Variants in PITPNC1 observed in about 807,000 individuals in gnomAD.
PITPNC1 encodes phosphatidylinositol transfer protein cytoplasmic 1.
In PITPNC1, 18 loss-of-function variants were observed where a neutral mutation model predicts 44.7. The observed-to-expected ratio is 0.40, with a 90% CI of 0.28 to 0.60. The LOEUF (loss-of-function observed/expected upper bound fraction) is 0.60. PITPNC1 is among the 20% of genes least tolerant of loss of function. The pLI is 0.39. For synonymous variants in PITPNC1, 141 were observed against 149.6 expected, an observed-to-expected ratio of 0.94 and a Z score of 0.42; for missense variants, 290 against 418.4, an observed-to-expected ratio of 0.69 and a Z score of 2.68.
chr17:67,510,744 A>G (rs551367434), intron 1 of PITPNC1, among the ~76,000 whole-genome samples: 161 of 151,958 alleles, frequency 1.1e-3, no homozygotes, highest in African/African-American at 3.8e-3. Flanking sequence ...GATTACAGGC[A>G]CTCACCACCA....
chr17:67,439,405 G>T lies in PITPNC1; in HGVS notation c.48+61203G>T, dbSNP rs534632258. 9.2e-5 allele frequency among the ~76,000 whole-genome samples: 13 copies of T among 142,018 alleles called. No individual in the cohort carries two copies. The South Asian group carries it at 2.5e-3, about 27-fold the overall frequency. The allele number at this position is 142,018 out of a possible 152,430, so 93.2% of individuals were successfully genotyped here. On this transcript the variant is annotated intron_variant, in intron 1 of 8. Coordinates refer to ENST00000581322, the MANE Select transcript of PITPNC1 (RefSeq NM_012417.4). ...GGTTAGGAATAAAAAGATGACTTTT[G>T]TCCCTCCAGCTGCCAGTGACAACCC...
intron 5 of PITPNC1, among the ~76,000 whole-genome samples, chr17:67,611,032 A>C (rs1304384446): frequency 1.3e-5 from 2 of 152,178 alleles, no homozygotes; most frequent in Non-Finnish European, 2.9e-5. Flanking sequence ...AAAATGAGTA[A>C]ACTACTAGGA....
intron 5 of PITPNC1, among the ~76,000 whole-genome samples, chr17:67,616,962 C>T (rs1344944347): frequency 1.3e-5 from 2 of 152,084 alleles, no homozygotes; most frequent in African/African-American, 4.8e-5. Flanking sequence ...TTTCTGTGAC[C>T]TTTGGGGTGG....
chr17:67,435,812 A>C (rs950306482), intron 1 of PITPNC1, among the ~76,000 whole-genome samples: 5 of 152,050 alleles, frequency 3.3e-5, no homozygotes, highest in Non-Finnish European at 5.9e-5. Context: ...AGATCATGCC[A>C]CTGTACTCCA....
At chr17:67,470,241 CAT>C (rs2039498607) in intron 1 of PITPNC1, among the ~76,000 whole-genome samples, 1 of 152,142 alleles carries the variant, frequency 6.6e-6, no homozygotes, top group Admixed American at 6.5e-5. Context: ...ATATAGCTAA[CAT>C]AGAATAGAAC....
chr17:67,653,607 C>A (rs2144371468), intron 6 of PITPNC1, among the ~76,000 whole-genome samples: 1 of 152,288 alleles, frequency 6.6e-6, no homozygotes, highest in East Asian at 1.9e-4. Context: ...TGGAACCAAC[C>A]CTCCACCCTA....
intron 2 of PITPNC1, among the ~76,000 whole-genome samples, chr17:67,539,364 G>T (rs769267807): frequency 7.9e-5 from 12 of 152,192 alleles, no homozygotes; most frequent in Non-Finnish European, 1.6e-4. Flanking sequence ...TTTACCAGGA[G>T]ATTAGTCCTA....
chr17:67,513,048 A>T (rs1268835226), intron 1 of PITPNC1, among the ~76,000 whole-genome samples: 1 of 152,086 alleles, frequency 6.6e-6, no homozygotes, highest in Non-Finnish European at 1.5e-5. Context: ...AATCATATAG[A>T]AATCATATAA....
intron 1 of PITPNC1, among the ~76,000 whole-genome samples, chr17:67,422,820 G>A (rs376515670): frequency 3.9e-5 from 6 of 152,094 alleles, no homozygotes; most frequent in East Asian, 1.9e-4. Context: ...AATAAAAGTC[G>A]TGAGCTACCA....
In PITPNC1 at chr17:67,693,071, A is replaced by G. The variant is rs2042958571; in HGVS notation, c.*183A>G. On this transcript the variant is annotated 3_prime_UTR_variant, in exon 9 of 9. Transcript: ENST00000581322. ...TTCCCTAAGTATGCTACACAGCATC[A>G]TATTAGATGTAAGATGTAAGACTTG... 1.8e-6 allele frequency: 1 copy of G among 567,990 alleles called. No individual in the cohort carries two copies. The highest frequency in any genetic ancestry group is 3.1e-6 in the Non-Finnish European group (1 of 322,678). 35.2% of individuals were successfully genotyped at this position (567,990 alleles called of 1,614,324 possible).
intron 4 of PITPNC1, among the ~76,000 whole-genome samples, chr17:67,562,070 A>G (rs2040913618): frequency 6.6e-6 from 1 of 152,204 alleles, no homozygotes; most frequent in Non-Finnish European, 1.5e-5. Flanking sequence ...GTTTCCCTGC[A>G]TGATTATCCT....
At chr17:67,624,214 CTTTTTTTTTTT>C (rs71139163) in intron 5 of PITPNC1, among the ~76,000 whole-genome samples, 1 of 127,126 alleles carries the variant, frequency 7.9e-6, no homozygotes, top group South Asian at 2.4e-4. Context: ...TCTTTCTTTT[CTTTTTTTTTTT>C]TTTTTCCTCA....
chr17:67,633,914 C>G (rs980228303), intron 6 of PITPNC1, among the ~76,000 whole-genome samples: 3 of 152,238 alleles, frequency 2.0e-5, no homozygotes, highest in Non-Finnish European at 4.4e-5. Flanking sequence ...TCCCAGTGTG[C>G]TTTGGCGTGG....
chr17:67,558,874 T>A (rs935191517), intron 4 of PITPNC1, among the ~76,000 whole-genome samples: 1 of 152,118 alleles, frequency 6.6e-6, no homozygotes, highest in Non-Finnish European at 1.5e-5. Flanking sequence ...TGAGCCACTA[T>A]GAGAGAGAGA....
At chr17:67,400,290 A>G (rs1455739579) in intron 1 of PITPNC1, among the ~76,000 whole-genome samples, 6 of 152,212 alleles carry the variant, frequency 3.9e-5, no homozygotes, top group Non-Finnish European at 2.9e-5. Context: ...TGCAGGGGCT[A>G]TAAATTGCTA....
intron 1 of PITPNC1, among the ~76,000 whole-genome samples, chr17:67,427,229 G>C (rs1201452097): frequency 1.3e-5 from 2 of 151,816 alleles, no homozygotes; most frequent in African/African-American, 4.8e-5. Context: ...TTATTTTTTT[G>C]AGACAGAGTC....
intron 5 of PITPNC1, among the ~76,000 whole-genome samples, chr17:67,580,308 T>C (rs780551138): frequency 1.3e-5 from 2 of 152,180 alleles, no homozygotes; most frequent in Non-Finnish European, 2.9e-5. Flanking sequence ...TTCAGTTGCT[T>C]GAATTGCTTT....
chr17:67,475,949 T>C (rs2949920), intron 1 of PITPNC1, among the ~76,000 whole-genome samples: 3,443 of 152,168 alleles, frequency 0.023, 118 homozygotes, highest in East Asian at 0.13. Flanking sequence ...AACCCCAGTG[T>C]CTCCCATAGA....
At chr17:67,498,857 T>G (rs974458513) in intron 1 of PITPNC1, among the ~76,000 whole-genome samples, 1 of 112,002 alleles carries the variant, frequency 8.9e-6, no homozygotes, top group African/African-American at 3.7e-5. Flanking sequence ...ATCTTCTTTG[T>G]TTTTTTTTTT....
Sources: allele counts gnomAD v4.1 joint callset (sites outside exome capture counted in the v4.1 genomes callset), GRCh38; gene constraint gnomAD v4.1.1; transcripts MANE v1.5; gene names NCBI Gene and HGNC (gene_info 2026-07-23, HGNC 2026-07-21).